Variants in PRKCB observed in about 807,000 individuals in gnomAD.
PRKCB encodes the protein protein kinase C beta type.
In PRKCB, 13 loss-of-function variants were observed where a neutral mutation model predicts 81.5. That is an observed-to-expected ratio of 0.16 (90% CI 0.10 to 0.25). PRKCB has a LOEUF of 0.25. PRKCB is among the 10% of genes least tolerant of loss of function. The pLI is 1.00. For missense variants in PRKCB, 509 were observed against 875.7 expected (o/e 0.58, Z 5.29); for synonymous variants, 335 against 321.4 (o/e 1.04, Z -0.45).
intron 2 of PRKCB, among the ~76,000 whole-genome samples, chr16:23,917,885 C>T (rs541630966): frequency 1.3e-5 from 2 of 152,308 alleles, no homozygotes; most frequent in South Asian, 2.1e-4. Flanking sequence ...ACACATTTGC[C>T]TCCAAAGGGA....
rs945320742 is a variant in PRKCB at position 24,168,716 on chromosome 16, A to AT, written c.1240-3532dup. On this transcript the variant is annotated intron_variant, in intron 10 of 16. Transcript: ENST00000643927. ...CAGGTGCTCACCACCATGCCTGGCT[A>AT]TTTTTTTTTTTTTTTTTTTTTTGGT... Among the ~76,000 whole-genome samples the AT allele has an allele frequency of 6.9e-3, 514 of 74,464 alleles. 13 individuals are homozygous for AT. The East Asian group carries it at 0.073, about 11-fold the overall frequency. 48.9% of individuals were successfully genotyped at this position (74,464 alleles called of 152,430 possible).
intron 2 of PRKCB, among the ~76,000 whole-genome samples, chr16:23,899,092 A>G (rs1367777059): frequency 1.3e-5 from 2 of 152,286 alleles, no homozygotes; most frequent in East Asian, 1.9e-4. Context: ...GATGATTTCT[A>G]TGTTGAGGTC....
rs763157141 is a variant in PRKCB, at chr16:24,185,567, G to A, written c.1722G>A (p.Gly574=). The A allele has an allele frequency of 6.2e-7, 1 of 1,610,678 alleles. No homozygotes were observed. The highest frequency in any genetic ancestry group is 8.5e-7 in the Non-Finnish European group (1 of 1,176,852). ...MSKEAVAICK[G]LMTKHPGKRL... ...AGGAAGCTGTGGCCATCTGCAAAGG[G>A]GTAAGTGCATCTCTTAAAGCTGTGA... The change falls in exon 15 of 17, where the codon GGG becomes GGA. Residue 574 remains glycine, a splice_region_variant and synonymous_variant. Transcript: ENST00000643927.
chr16:24,055,395 T>C (rs1965891956), intron 5 of PRKCB, among the ~76,000 whole-genome samples: 1 of 152,174 alleles, frequency 6.6e-6, no homozygotes, highest in South Asian at 2.1e-4. Context: ...AACTGACTGC[T>C]ATTGTCTGTT....
rs1275714937 is a variant in PRKCB at position 23,929,845 on chromosome 16, T to C, written c.206-58663T>C. 4.0e-5 allele frequency among the ~76,000 whole-genome samples: 6 copies of C among 151,764 alleles called. No individual in the cohort carries two copies. In the East Asian group the frequency reaches 1.2e-3, roughly 29 times the overall value. On this transcript the variant is annotated intron_variant, in intron 2 of 16. Coordinates refer to ENST00000643927, the MANE Select transcript of PRKCB (RefSeq NM_002738.7). ...GAGCCTAGATTTCAAAGAGGAGAGG[T>C]TGAGTGCTCTGCAAAGTAGAAGGAG...
chr16:23,987,728 C>T (rs2141821117), intron 2 of PRKCB, among the ~76,000 whole-genome samples: 1 of 152,230 alleles, frequency 6.6e-6, no homozygotes, highest in East Asian at 1.9e-4. Flanking sequence ...GGCACCCGTC[C>T]TCCAGAAACC....
At chr16:24,022,882 CT>C (rs1427947356) in intron 3 of PRKCB, among the ~76,000 whole-genome samples, 1 of 152,214 alleles carries the variant, frequency 6.6e-6, no homozygotes, top group African/African-American at 2.4e-5. Flanking sequence ...CCAACGGTAG[CT>C]TCTTTACAGG....
chr16:23,889,807 A>T (rs557161291), intron 2 of PRKCB, among the ~76,000 whole-genome samples: 1 of 152,214 alleles, frequency 6.6e-6, no homozygotes, highest in African/African-American at 2.4e-5. Flanking sequence ...GAGGGTTATT[A>T]CTGCAGGATA....
intron 2 of PRKCB, among the ~76,000 whole-genome samples, chr16:23,866,720 A>G (rs956091394): frequency 1.3e-5 from 2 of 152,164 alleles, no homozygotes; most frequent in Non-Finnish European, 2.9e-5. Context: ...GCCCTGGGGT[A>G]TACACGATTC....
chr16:24,030,636 T>C lies in PRKCB; in HGVS notation c.289-1500T>C, dbSNP rs147794066. 1.7e-3 allele frequency among the ~76,000 whole-genome samples: 257 copies of C among 151,260 alleles called. 2 individuals carry two copies. Among genetic ancestry groups the C allele is most frequent in the African/African-American group, 6.0e-3 (247 of 41,154 alleles). On this transcript the variant is annotated intron_variant, in intron 3 of 16. Coordinates refer to ENST00000643927, the MANE Select transcript of PRKCB (RefSeq NM_002738.7). ...GTGTGCACCTGGCATTCCAGCAATT[T>C]TGGAGGCTGAGGTGGGAGGATCATT... is the stretch of plus-strand genomic sequence containing the variant.
At chr16:24,105,691 G>A (rs1487287943) in intron 7 of PRKCB, among the ~76,000 whole-genome samples, 2 of 152,106 alleles carry the variant, frequency 1.3e-5, no homozygotes, top group Non-Finnish European at 2.9e-5. Flanking sequence ...CCATGTCCCT[G>A]CAAAGGACAT....
intron 5 of PRKCB, among the ~76,000 whole-genome samples, chr16:24,056,308 G>A (rs1261097546): frequency 1.3e-5 from 2 of 152,184 alleles, no homozygotes; most frequent in Non-Finnish European, 2.9e-5. Context: ...TAGTTCAAGA[G>A]GCAGCTTATG....
intron 5 of PRKCB, among the ~76,000 whole-genome samples, chr16:24,061,504 C>T (rs982988794): frequency 1.3e-5 from 2 of 152,284 alleles, no homozygotes; most frequent in South Asian, 4.1e-4. Flanking sequence ...TAGGCTCCCC[C>T]AGCATGGAGC....
chr16:24,212,352 T>G (rs1369961443), intron 16 of PRKCB, among the ~76,000 whole-genome samples: 2 of 148,404 alleles, frequency 1.3e-5, no homozygotes, highest in Non-Finnish European at 3.0e-5. Context: ...AAGTGCTCAC[T>G]GGTTTTTATT....
intron 2 of PRKCB, among the ~76,000 whole-genome samples, chr16:23,965,339 C>T (rs1223955905): frequency 6.6e-6 from 1 of 152,172 alleles, no homozygotes; most frequent in Non-Finnish European, 1.5e-5. Flanking sequence ...CTTTTTTATG[C>T]CTGCATAGTA....
intron 14 of PRKCB, 93 bp from the exon 15 acceptor site, chr16:24,185,367 T>A: frequency 1.6e-6 from 2 of 1,288,076 alleles, no homozygotes; most frequent in Middle Eastern, 2.0e-4. Context: ...GGCTTCACTG[T>A]GGGCCCCAGG....
intron 2 of PRKCB, among the ~76,000 whole-genome samples, chr16:23,855,208 A>T (rs1410614522): frequency 6.6e-6 from 1 of 152,156 alleles, no homozygotes; most frequent in African/African-American, 2.4e-5. Flanking sequence ...TTCTTGCAAC[A>T]CAGTGTGGTC....
intron 5 of PRKCB, among the ~76,000 whole-genome samples, chr16:24,091,979 T>G (rs976415167): frequency 1.5e-4 from 23 of 152,192 alleles, no homozygotes; most frequent in Non-Finnish European, 1.9e-4. Flanking sequence ...AATTCTTCCT[T>G]TCTTTAGCTT....
intron 3 of PRKCB, among the ~76,000 whole-genome samples, chr16:24,021,004 CTT>C (rs1332490736): frequency 7.8e-5 from 11 of 140,290 alleles, no homozygotes; most frequent in South Asian, 4.8e-4. Context: ...TTCTTTCTTT[CTT>C]TCTTTCTTTC....
Sources: gnomAD v4.1 joint callset for allele counts (sites outside exome capture counted in the v4.1 genomes callset) on GRCh38, gnomAD v4.1.1 for gene constraint, MANE v1.5 for transcripts, NCBI Gene and HGNC (gene_info 2026-07-23, HGNC 2026-07-21) for gene names.